Variants in CNTN4 observed in about 807,000 individuals in gnomAD.
CNTN4 encodes contactin-4.
A neutral mutation model predicts 122.5 loss-of-function variants in CNTN4; 77 were observed. The ratio of observed to expected loss-of-function variants is 0.63; its 90% CI spans 0.52 to 0.76. The LOEUF (loss-of-function observed/expected upper bound fraction) is 0.76. Among genes scored for constraint, CNTN4 ranks in the 30% least tolerant of loss-of-function variants. The probability of loss-of-function intolerance (pLI) is 0.00; values close to 1 mark genes in which losing one functional copy is unlikely to be tolerated. For synonymous variants in CNTN4, 512 were observed against 447.0 expected, an observed-to-expected ratio of 1.15 and a Z score of -1.83; for missense variants, 1,256 against 1,259.1, an observed-to-expected ratio of 1.00 and a Z score of 0.04.
chr3:2,771,945 G>A lies in CNTN4; in HGVS notation c.358+26248G>A, dbSNP rs540010033. On this transcript the variant is annotated intron_variant, in intron 6 of 24. Coordinates refer to ENST00000418658, the MANE Select transcript of CNTN4 (RefSeq NM_175607.3). ...AGAGAGCTGGCAGGGTGTTTCATGC[G>A]ACAAGAACAGCAAAGCCTGAATCTT... 2.3e-4 allele frequency among the ~76,000 whole-genome samples: 35 copies of A among 152,196 alleles called. No individual in the cohort carries two copies. In the South Asian group the frequency reaches 5.4e-3, roughly 23 times the overall value.
chr3:2,716,404 G>A (rs2087501569), intron 4 of CNTN4, among the ~76,000 whole-genome samples: 1 of 151,712 alleles, frequency 6.6e-6, no homozygotes, highest in South Asian at 2.1e-4. Flanking sequence ...GATACTCTAT[G>A]TAAAGCACAT....
At chr3:2,753,399 T>C (rs535421361) in intron 6 of CNTN4, among the ~76,000 whole-genome samples, 2 of 152,354 alleles carry the variant, frequency 1.3e-5, no homozygotes, top group South Asian at 4.1e-4. Context: ...GAATACTCTA[T>C]GTTGGATATT....
At chr3:2,376,566 G>A (rs914692392) in intron 3 of CNTN4, among the ~76,000 whole-genome samples, 24 of 151,796 alleles carry the variant, frequency 1.6e-4, no homozygotes, top group African/African-American at 5.8e-4. Context: ...GATGCATTAA[G>A]CACAGTCCAC....
At chr3:2,951,136 A>G (rs2094738477) in intron 13 of CNTN4, among the ~76,000 whole-genome samples, 1 of 152,212 alleles carries the variant, frequency 6.6e-6, no homozygotes, top group Admixed American at 6.5e-5. Context: ...TATCATTGAT[A>G]ATAAATAACG....
intron 4 of CNTN4, among the ~76,000 whole-genome samples, chr3:2,664,468 ATAAG>A (rs57341176): frequency 0.17 from 25,965 of 152,014 alleles, 2,567 homozygotes; most frequent in Admixed American, 0.32. Context: ...GAATTTTATG[ATAAG>A]TAAGTTGGAG....
intron 2 of CNTN4, among the ~76,000 whole-genome samples, chr3:2,281,024 T>C (rs1015081649): frequency 6.6e-6 from 1 of 152,140 alleles, no homozygotes; most frequent in African/African-American, 2.4e-5. Flanking sequence ...TATGACACGC[T>C]GATGGGATGA....
At chr3:2,471,485 C>T (rs548804689) in intron 3 of CNTN4, among the ~76,000 whole-genome samples, 2 of 152,104 alleles carry the variant, frequency 1.3e-5, no homozygotes, top group South Asian at 4.1e-4. Flanking sequence ...ATTTTTTTTC[C>T]TTAGAAGTGA....
chr3:2,812,557 T>TTTTTG (rs919009687), intron 6 of CNTN4, among the ~76,000 whole-genome samples: 25 of 144,392 alleles, frequency 1.7e-4, no homozygotes, highest in Non-Finnish European at 3.5e-4. Flanking sequence ...AGGTTTGTTT[T>TTTTTG]TTTTGTTTTG....
At chr3:2,786,702 AG>A (rs1249126406) in intron 6 of CNTN4, among the ~76,000 whole-genome samples, 1 of 152,228 alleles carries the variant, frequency 6.6e-6, no homozygotes. Context: ...TTTTTTAAAA[AG>A]CTTCTACTGG....
intron 3 of CNTN4, among the ~76,000 whole-genome samples, chr3:2,461,327 A>G (rs1025123372): frequency 2.7e-5 from 4 of 148,598 alleles, no homozygotes; most frequent in African/African-American, 9.8e-5. Context: ...GGAAGTTATC[A>G]TTAATTATTA....
intron 3 of CNTN4, among the ~76,000 whole-genome samples, chr3:2,373,957 T>TG (rs1329915195): frequency 2.0e-5 from 3 of 152,184 alleles, no homozygotes; most frequent in Non-Finnish European, 4.4e-5. Flanking sequence ...TCATCTTTTT[T>TG]GGGGGGTTCC....
intron 2 of CNTN4, among the ~76,000 whole-genome samples, chr3:2,316,939 A>G (rs2043122283): frequency 1.3e-5 from 2 of 151,972 alleles, no homozygotes; most frequent in Admixed American, 6.6e-5. Flanking sequence ...GATCCCATAT[A>G]TTTCTTCCTC....
At chr3:2,432,661 T>C (rs1038316126) in intron 3 of CNTN4, among the ~76,000 whole-genome samples, 1 of 152,110 alleles carries the variant, frequency 6.6e-6, no homozygotes, top group Non-Finnish European at 1.5e-5. Flanking sequence ...TATATGTGTG[T>C]GTATATATAT....
intron 4 of CNTN4, among the ~76,000 whole-genome samples, chr3:2,576,049 A>G (rs941734019): frequency 2.6e-5 from 4 of 151,848 alleles, no homozygotes; most frequent in South Asian, 2.1e-4. Context: ...GTTAGCCAGG[A>G]TGGTCTCGAT....
chr3:3,026,899 T>C (rs1013210215), intron 15 of CNTN4, among the ~76,000 whole-genome samples: 2 of 152,138 alleles, frequency 1.3e-5, no homozygotes, highest in Admixed American at 6.6e-5. Context: ...ACAATTCCTA[T>C]CAATCACAAT....
chr3:2,428,944 C>G (rs1352091689), intron 3 of CNTN4, among the ~76,000 whole-genome samples: 4 of 152,170 alleles, frequency 2.6e-5, no homozygotes, highest in South Asian at 2.1e-4. Flanking sequence ...AAGGACTTCT[C>G]TGCGCTGTTG....
intron 4 of CNTN4, among the ~76,000 whole-genome samples, chr3:2,726,246 G>A (rs2088214659): frequency 6.6e-6 from 1 of 152,136 alleles, no homozygotes; most frequent in Non-Finnish European, 1.5e-5. Flanking sequence ...GTCCTGCAAT[G>A]GAGTCTCATT....
At chr3:2,424,699 C>A (rs185202547) in intron 3 of CNTN4, among the ~76,000 whole-genome samples, 2 of 152,160 alleles carry the variant, frequency 1.3e-5, no homozygotes, top group African/African-American at 2.4e-5. Context: ...AAAAGTGTTC[C>A]TATTTCTCCA....
chr3:2,638,203 C>T (rs2082748207), intron 4 of CNTN4, among the ~76,000 whole-genome samples: 1 of 152,182 alleles, frequency 6.6e-6, no homozygotes, highest in African/African-American at 2.4e-5. Flanking sequence ...CACATGGCTT[C>T]AGATTCATGA....
Sources: gnomAD v4.1 joint callset for allele counts (sites outside exome capture counted in the v4.1 genomes callset) on GRCh38, gnomAD v4.1.1 for gene constraint, MANE v1.5 for transcripts, NCBI Gene and HGNC (gene_info 2026-07-23, HGNC 2026-07-21) for gene names.